The following HMCN1 variants were observed in gnomAD, a reference collection of about 807,000 sequenced individuals.
HMCN1 encodes the protein hemicentin-1.
In HMCN1, 321 loss-of-function variants were observed where a neutral mutation model predicts 625.9. That is an observed-to-expected ratio of 0.51 (90% CI 0.47 to 0.56). The LOEUF (loss-of-function observed/expected upper bound fraction) is 0.56, where lower values mean the gene tolerates loss of function less well. Among genes scored for constraint, HMCN1 ranks in the 20% least tolerant of loss-of-function variants. The pLI is 0.00. For synonymous variants in HMCN1, 2,425 were observed against 2,417.6 expected (o/e 1.00, Z -0.09); for missense variants, 6,588 against 6,887.3 (o/e 0.96, Z 1.54).
chr1:185,958,411 G>A (rs760004098), intron 11 of HMCN1, among the ~76,000 whole-genome samples: 112 of 152,144 alleles, frequency 7.4e-4, no homozygotes, highest in Non-Finnish European at 8.4e-4. Flanking sequence ...GAGCCACCAC[G>A]TACAGGCTGA....
rs555847407 is a variant in HMCN1 at position 186,158,187 on chromosome 1, G to C, written c.15256+4200G>C. Among the ~76,000 whole-genome samples, 638 of 149,936 alleles carry C rather than the reference G, an allele frequency of 4.3e-3. 2 individuals are homozygous for C. Among genetic ancestry groups the C allele is most frequent in the South Asian group, 0.012 (55 of 4,698 alleles). ...GGTTTTGATTTGCATTTCTCTGATGGCCAGTGATGATGAGCATTTTTTCAT... is the reference window on the plus strand; with the variant it reads ...GGTTTTGATTTGCATTTCTCTGATGCCCAGTGATGATGAGCATTTTTTCAT... On this transcript the variant is annotated intron_variant, in intron 97 of 106. Coordinates refer to ENST00000271588, the MANE Select transcript of HMCN1 (RefSeq NM_031935.3).
chr1:185,870,989 T>A (rs968257493), intron 4 of HMCN1, among the ~76,000 whole-genome samples: 2 of 151,854 alleles, frequency 1.3e-5, no homozygotes, highest in Admixed American at 6.6e-5. Context: ...CCCAGCACTT[T>A]GGGAGGCCAA....
At chr1:186,038,171 A>G in intron 37 of HMCN1, 136 bp downstream of exon 37, 1 of 677,650 alleles carries the variant, frequency 1.5e-6, no homozygotes, top group Non-Finnish European at 2.7e-6. Flanking sequence ...AACATTGATA[A>G]GAATATTATT....
chr1:185,840,471 T>G (rs1032695371), intron 1 of HMCN1, among the ~76,000 whole-genome samples: 1 of 152,164 alleles, frequency 6.6e-6, no homozygotes, highest in African/African-American at 2.4e-5. Flanking sequence ...TCCCAATGCC[T>G]AGGATTTCTT....
At position 186,117,549 on chromosome 1, in the gene HMCN1, T is replaced by C; in HGVS notation, c.11774T>C (p.Phe3925Ser). 1.9e-6 allele frequency: 3 copies of C among 1,613,912 alleles called. No individual in the cohort carries two copies. Among genetic ancestry groups the C allele is most frequent in the South Asian group, 2.2e-5 (2 of 91,078 alleles). Residue 3925 changes from phenylalanine to serine, a missense_variant, in exon 77 of 107, where the codon TTT (phenylalanine) becomes TCT (serine). By Grantham distance (155) the Phe-to-Ser change is radical (BLOSUM62 -2). This residue lies in a region of HMCN1 where 4,628 missense variants were observed against 4,853.1 expected (regional missense o/e 0.95). Transcript: ENST00000271588. ...VITCTASGVP[F>S]PSIHWTKNGI... The stretch of plus-strand genomic sequence containing the variant: ...ACCTGCACTGCTTCGGGAGTTCCAT[T>C]TCCCTCAATTCACTGGACCAAAAAT...
intron 1 of HMCN1, among the ~76,000 whole-genome samples, chr1:185,745,646 T>G (rs868700138): frequency 2.0e-4 from 30 of 152,216 alleles, no homozygotes; most frequent in Admixed American, 5.2e-4. Flanking sequence ...TTCAAGTTTC[T>G]GAATTTACAA....
intron 102 of HMCN1, among the ~76,000 whole-genome samples, chr1:186,173,180 A>C (rs961764108): frequency 6.6e-6 from 1 of 152,210 alleles, no homozygotes; most frequent in African/African-American, 2.4e-5. Context: ...CAATTATAAA[A>C]TATTAATAAA....
chr1:185,917,591 A>G (rs1666782724), intron 6 of HMCN1, among the ~76,000 whole-genome samples: 2 of 152,212 alleles, frequency 1.3e-5, no homozygotes, highest in Admixed American at 1.3e-4. Context: ...ATATCTAAGA[A>G]AAAACATCAA....
At chr1:185,911,602 T>C in intron 5 of HMCN1, 72 bp from the exon 6 acceptor site, 1 of 1,065,018 alleles carries the variant, frequency 9.4e-7, no homozygotes, top group East Asian at 2.4e-5. Flanking sequence ...TAGTTTTATG[T>C]AGTGTTAAAT....
At chr1:185,864,652 G>T in intron 3 of HMCN1, 24 bp downstream of exon 3, 1 of 1,611,500 alleles carries the variant, frequency 6.2e-7, no homozygotes, top group Non-Finnish European at 8.5e-7. Context: ...AACCCCAAAC[G>T]TCTCTGTCTA....
chr1:185,754,122 T>G (rs1212390550), intron 1 of HMCN1, among the ~76,000 whole-genome samples: 1 of 152,150 alleles, frequency 6.6e-6, no homozygotes, highest in African/African-American at 2.4e-5. Flanking sequence ...CATGACAACA[T>G]AGATGAACCC....
At chr1:186,120,560 C>A (rs1238942078) in intron 80 of HMCN1, among the ~76,000 whole-genome samples, 1 of 152,128 alleles carries the variant, frequency 6.6e-6, no homozygotes, top group African/African-American at 2.4e-5. Context: ...AAAGAGAAAG[C>A]AGGGTATTTT....
chr1:185,811,729 T>TAA (rs59762206), intron 1 of HMCN1, among the ~76,000 whole-genome samples: 7 of 149,298 alleles, frequency 4.7e-5, no homozygotes, highest in East Asian at 2.0e-4. Context: ...TCCCTTGCTC[T>TAA]AAAAAAAAAA....
chr1:185,814,833 A>G (rs1659746549), intron 1 of HMCN1, among the ~76,000 whole-genome samples: 2 of 149,622 alleles, frequency 1.3e-5, no homozygotes, highest in Non-Finnish European at 2.9e-5. Flanking sequence ...CTGGGACTAC[A>G]GGCACACATC....
intron 98 of HMCN1, among the ~76,000 whole-genome samples, chr1:186,165,443 G>A (rs980384746): frequency 1.3e-5 from 2 of 152,210 alleles, no homozygotes; most frequent in African/African-American, 2.4e-5. Context: ...GTCAGAGATA[G>A]TGACTAAGTA....
chr1:186,118,677 G>T (rs1207825765), intron 77 of HMCN1, among the ~76,000 whole-genome samples: 1 of 152,176 alleles, frequency 6.6e-6, no homozygotes, highest in Non-Finnish European at 1.5e-5. Context: ...GCAATAAAAA[G>T]GAACAAAATA....
intron 52 of HMCN1, 77 bp from the exon 53 acceptor site, chr1:186,074,664 A>T: frequency 7.6e-7 from 1 of 1,313,440 alleles, no homozygotes; most frequent in Admixed American, 1.8e-5. Context: ...AAAAAATCAC[A>T]AAAACTATCA....
intron 11 of HMCN1, among the ~76,000 whole-genome samples, chr1:185,936,736 G>A (rs992950489): frequency 6.6e-6 from 1 of 152,136 alleles, no homozygotes; most frequent in Non-Finnish European, 1.5e-5. Flanking sequence ...GAGAAACATC[G>A]ATATGAATGT....
chr1:186,107,092 C>T (rs955449973), intron 70 of HMCN1, 127 bp downstream of exon 70: 15 of 567,756 alleles, frequency 2.6e-5, no homozygotes, highest in African/African-American at 1.3e-4. Flanking sequence ...AAATCTGAAT[C>T]TTTTTTTTTT....
Sources: gnomAD v4.1 joint callset for allele counts (sites outside exome capture counted in the v4.1 genomes callset) on GRCh38, gnomAD v4.1.1 for gene constraint, gnomAD v4.1.1 regional missense constraint, MANE v1.5 for transcripts, NCBI Gene and HGNC (gene_info 2026-07-23, HGNC 2026-07-21) for gene names.